PVT1: variants seen among roughly 807,000 people sequenced by gnomAD.
The protein encoded by PVT1 is CXCR4/PVT1 fusion.
intron 2 of PVT1, among the ~76,000 whole-genome samples, chr8:127,834,013 A>G (rs1416226749): frequency 6.6e-6 from 1 of 152,106 alleles, no homozygotes; most frequent in African/African-American, 2.4e-5. Context: ...TCTCACTTTA[A>G]GCAAAGTCTT....
At chr8:127,972,891 TA>T (rs1252795032) in intron 3 of PVT1, among the ~76,000 whole-genome samples, 1 of 152,066 alleles carries the variant, frequency 6.6e-6, no homozygotes, top group South Asian at 2.1e-4. Flanking sequence ...AGCTGTATAT[TA>T]AAAAAAATTT....
intron 3 of PVT1, among the ~76,000 whole-genome samples, chr8:127,895,528 G>A (rs191762663): frequency 6.6e-6 from 1 of 152,206 alleles, no homozygotes; most frequent in Admixed American, 6.5e-5. Context: ...AGTTTATTAT[G>A]AGAATTAAAT....
rs1563657384 is a variant in PVT1 at position 127,984,859 on chromosome 8, T to TTCTTTCTTTCTTTCTTTC, written n.783-4301_783-4284dup. Among the ~76,000 whole-genome samples the TTCTTTCTTTCTTTCTTTC allele has an allele frequency of 3.1e-4, 18 of 58,136 alleles. No homozygotes were observed. In the South Asian group the frequency reaches 3.7e-3, roughly 12 times the overall value. The allele number at this position is 58,136 out of a possible 152,430, so 38.1% of individuals were successfully genotyped here. ...TTCTTTTCTTTCTTTCTTTCTTTCT[T>TTCTTTCTTTCTTTCTTTC]TCTTTCTTTCTTTCTTTCTTTCTTT... On this transcript the variant is annotated intron_variant and non_coding_transcript_variant, in intron 3 of 10. Transcript: ENST00000651587.
At chr8:128,079,403 C>T (rs986350491) in intron 5 of PVT1, among the ~76,000 whole-genome samples, 5 of 152,148 alleles carry the variant, frequency 3.3e-5, no homozygotes, top group Non-Finnish European at 7.3e-5. Context: ...CCCTATTATT[C>T]GCATCTTGAA....
At chr8:127,912,546 A>T (rs1815912138) in intron 3 of PVT1, among the ~76,000 whole-genome samples, 1 of 152,162 alleles carries the variant, frequency 6.6e-6, no homozygotes, top group Non-Finnish European at 1.5e-5. Flanking sequence ...CACTTGAGTT[A>T]TTCCACACCA....
chr8:127,857,116 C>G (rs532939151), intron 2 of PVT1, among the ~76,000 whole-genome samples: 1 of 152,288 alleles, frequency 6.6e-6, no homozygotes, highest in South Asian at 2.1e-4. Flanking sequence ...ATCCCAGCTA[C>G]TCGAGATGCT....
intron 3 of PVT1, among the ~76,000 whole-genome samples, chr8:127,986,902 C>G (rs932460528): frequency 6.6e-6 from 1 of 152,170 alleles, no homozygotes; most frequent in African/African-American, 2.4e-5. Flanking sequence ...TCTGCAGGAG[C>G]CAACGTGCTG....
At chr8:127,902,760 G>A (rs1042470273) in intron 3 of PVT1, among the ~76,000 whole-genome samples, 18 of 152,080 alleles carry the variant, frequency 1.2e-4, no homozygotes, top group Non-Finnish European at 2.1e-4. Context: ...TGCAGAGAGC[G>A]TGATTCCATT....
At chr8:127,885,584 G>A (rs1166873510) in intron 2 of PVT1, among the ~76,000 whole-genome samples, 1 of 152,080 alleles carries the variant, frequency 6.6e-6, no homozygotes, top group South Asian at 2.1e-4. Flanking sequence ...CCTCATGACC[G>A]AATCACTTTT....
At chr8:128,034,505 T>C (rs1291851736) in intron 4 of PVT1, among the ~76,000 whole-genome samples, 1 of 152,244 alleles carries the variant, frequency 6.6e-6, no homozygotes, top group African/African-American at 2.4e-5. Context: ...GGTGTGCGTG[T>C]CAACTGAACC....
intron 3 of PVT1, among the ~76,000 whole-genome samples, chr8:127,920,529 C>T (rs769253237): frequency 2.0e-5 from 3 of 152,162 alleles, no homozygotes; most frequent in Non-Finnish European, 4.4e-5. Context: ...TGAATTAGTA[C>T]GTTTAAAGGC....
chr8:127,991,308 A>C (rs1218902402), intron 4 of PVT1, among the ~76,000 whole-genome samples: 1 of 151,410 alleles, frequency 6.6e-6, no homozygotes, highest in Non-Finnish European at 1.5e-5. Flanking sequence ...ACGCCTGGCT[A>C]CTTTTTTTTG....
intron 4 of PVT1, among the ~76,000 whole-genome samples, chr8:128,043,433 G>A (rs56304837): frequency 0.036 from 5,499 of 152,142 alleles, 129 homozygotes; most frequent in South Asian, 0.078. Flanking sequence ...GTATCTTCAA[G>A]GAACTAAGAG....
chr8:127,877,760 CA>C (rs987301868), intron 2 of PVT1, among the ~76,000 whole-genome samples: 3 of 151,660 alleles, frequency 2.0e-5, no homozygotes, highest in Admixed American at 6.6e-5. Context: ...CCTCTCTCTA[CA>C]AAAAAAATAC....
chr8:127,887,349 A>G (rs1442541019), intron 2 of PVT1, among the ~76,000 whole-genome samples: 2 of 152,104 alleles, frequency 1.3e-5, no homozygotes, highest in East Asian at 3.8e-4. Context: ...CACACTCCAG[A>G]ATGTCCTACT....
At position 127,874,772 on chromosome 8, in the gene PVT1, G is replaced by T. The variant is rs576595532; in HGVS notation, n.373-15817G>T. Among the ~76,000 whole-genome samples the T allele has an allele frequency of 2.6e-5, 4 of 152,286 alleles. No homozygotes were observed. The South Asian group carries it at 8.3e-4, about 32-fold the overall frequency. ...AAAGAAGGTTTTCATCCTCCTTAAG[G>T]CTTTTGCCCACCCTTCCCTTCCTTC... On this transcript the variant is annotated intron_variant and non_coding_transcript_variant, in intron 2 of 10. Transcript: ENST00000651587.
At chr8:127,890,224 C>T (rs1815583665) in intron 2 of PVT1, among the ~76,000 whole-genome samples, 1 of 152,178 alleles carries the variant, frequency 6.6e-6, no homozygotes, top group South Asian at 2.1e-4. Flanking sequence ...CTCAGCCCTG[C>T]AGGGGAGCCC....
At chr8:128,036,625 C>T (rs1813466130) in intron 4 of PVT1, among the ~76,000 whole-genome samples, 2 of 152,160 alleles carry the variant, frequency 1.3e-5, no homozygotes, top group Admixed American at 1.3e-4. Context: ...TCCTGATCCT[C>T]CCGTCACTGC....
At chr8:128,021,852 T>C (rs888153420) in intron 4 of PVT1, among the ~76,000 whole-genome samples, 2 of 152,208 alleles carry the variant, frequency 1.3e-5, no homozygotes, top group African/African-American at 4.8e-5. Context: ...TCAGATGGCA[T>C]GCATCAGTAT....
Sources: allele counts gnomAD v4.1 joint callset (sites outside exome capture counted in the v4.1 genomes callset), GRCh38; gene constraint gnomAD v4.1.1; transcripts MANE v1.5; gene names NCBI Gene and HGNC (gene_info 2026-07-23, HGNC 2026-07-21).